Variants in TULP4 observed in about 807,000 individuals in gnomAD.
TULP4 encodes the protein tubby-related protein 4.
A neutral mutation model predicts 129.0 loss-of-function variants in TULP4; 16 were observed. That is an observed-to-expected ratio of 0.12 (90% CI 0.08 to 0.19). The LOEUF (loss-of-function observed/expected upper bound fraction) is 0.19, where lower values mean the gene tolerates loss of function less well. Ranked by LOEUF, TULP4 falls within the 10% of genes least tolerant of loss-of-function variation. The probability of loss-of-function intolerance (pLI) is 1.00; values close to 1 mark genes in which losing one functional copy is unlikely to be tolerated. For synonymous variants in TULP4, 998 were observed against 854.0 expected (o/e 1.17, Z -2.94); for missense variants, 1,842 against 2,059.1 (o/e 0.89, Z 2.04).
rs374416132 is a variant in TULP4, at chr6:158,502,446, C to T, written c.2783C>T (p.Thr928Met). 4.2e-5 allele frequency: 68 copies of T among 1,613,408 alleles called. No homozygotes were observed. Among genetic ancestry groups the T allele is most frequent in the Admixed American group, 1.3e-4 (8 of 59,992 alleles). Residue 928 changes from threonine to methionine, a missense_variant, in exon 13 of 14, where the codon ACG becomes ATG. This residue lies in a region of TULP4 where 1,089 missense variants were observed against 987.1 expected (regional missense o/e 1.10). Coordinates refer to ENST00000367097, the MANE Select transcript of TULP4 (RefSeq NM_020245.5). Reference sequence around the variant, plus strand: ...GGTAGCTCTGCCACCTTGAGGCTCACGGCCACTGAGAAGAAGGTCCCTCAG... The same window carrying T: ...GGTAGCTCTGCCACCTTGAGGCTCATGGCCACTGAGAAGAAGGTCCCTCAG... ...GPGSSATLRLTATEKKVPQPC... is the reference protein window; with the variant it reads ...GPGSSATLRLMATEKKVPQPC...
chr6:158,462,747 CTTTTTTTT>C (rs56829575), intron 6 of TULP4, among the ~76,000 whole-genome samples: 5 of 127,852 alleles, frequency 3.9e-5, no homozygotes, highest in Non-Finnish European at 6.5e-5. Flanking sequence ...TTTTTTTTTC[CTTTTTTTT>C]TTTTTTTTTT....
At chr6:158,454,242 C>G (rs919451339) in intron 5 of TULP4, among the ~76,000 whole-genome samples, 4 of 152,126 alleles carry the variant, frequency 2.6e-5, no homozygotes, top group Non-Finnish European at 5.9e-5. Context: ...TGATGATGAA[C>G]TTAAATTCCT....
At chr6:158,345,747 A>T (rs1780290705) in intron 1 of TULP4, among the ~76,000 whole-genome samples, 1 of 152,262 alleles carries the variant, frequency 6.6e-6, no homozygotes, top group African/African-American at 2.4e-5. Flanking sequence ...TTGTCTTGAT[A>T]AACATCTTAA....
intron 1 of TULP4, among the ~76,000 whole-genome samples, chr6:158,388,215 A>G (rs950926433): frequency 3.9e-5 from 6 of 151,944 alleles, no homozygotes; most frequent in African/African-American, 7.3e-5. Flanking sequence ...AGTAATTTCT[A>G]TGCTTAACTA....
chr6:158,471,116 A>G (rs977324020), intron 6 of TULP4, among the ~76,000 whole-genome samples: 1 of 152,224 alleles, frequency 6.6e-6, no homozygotes, highest in African/African-American at 2.4e-5. Flanking sequence ...GAAGAGACAG[A>G]AAGGAAGGAG....
At position 158,510,271 on chromosome 6, in the gene TULP4, A is replaced by G. The variant is rs1562599557; in HGVS notation, c.*3577A>G. ...ATCCATAGCCATTGCTCCCTTGTCAAGTGTCTCACAAGGACATGGAAGAAT... is the reference window on the plus strand; with the variant it reads ...ATCCATAGCCATTGCTCCCTTGTCAGGTGTCTCACAAGGACATGGAAGAAT... On this transcript the variant is annotated 3_prime_UTR_variant, in exon 14 of 14. Coordinates refer to ENST00000367097, the MANE Select transcript of TULP4 (RefSeq NM_020245.5). The G allele has an allele frequency of 6.6e-6, 1 of 152,484 alleles. No homozygotes were observed. 9.4% of individuals were successfully genotyped at this position (152,484 alleles called of 1,614,324 possible).
At chr6:158,344,869 T>C (rs1780265011) in intron 1 of TULP4, among the ~76,000 whole-genome samples, 1 of 152,208 alleles carries the variant, frequency 6.6e-6, no homozygotes, top group South Asian at 2.1e-4. Context: ...ACCAGGCCTC[T>C]TGAGCCAAAC....
chr6:158,296,360 TAA>T (rs1338063275), intron 1 of TULP4, among the ~76,000 whole-genome samples: 2 of 151,844 alleles, frequency 1.3e-5, no homozygotes, highest in East Asian at 3.9e-4. Flanking sequence ...AGAGACAGTA[TAA>T]AGAGAAGAAT....
chr6:158,505,738 G>GT (rs1311472131), intron 13 of TULP4, among the ~76,000 whole-genome samples: 1 of 152,226 alleles, frequency 6.6e-6, no homozygotes, highest in Admixed American at 6.5e-5. Context: ...GTGTTGGACA[G>GT]TGGTGGTGCT....
intron 1 of TULP4, among the ~76,000 whole-genome samples, chr6:158,365,397 T>TA (rs1294075766): frequency 6.6e-6 from 1 of 151,600 alleles, no homozygotes; most frequent in Admixed American, 6.6e-5. Context: ...ATTTTGTTTC[T>TA]AAAAATTTTT....
intron 1 of TULP4, among the ~76,000 whole-genome samples, chr6:158,303,671 G>T (rs1779166206): frequency 6.6e-6 from 1 of 152,154 alleles, no homozygotes; most frequent in Non-Finnish European, 1.5e-5. Flanking sequence ...CTTTGTATGT[G>T]AATACCTTAT....
At chr6:158,488,535 C>T (rs1026366384) in intron 8 of TULP4, among the ~76,000 whole-genome samples, 14 of 152,122 alleles carry the variant, frequency 9.2e-5, no homozygotes, top group Non-Finnish European at 2.9e-5. Flanking sequence ...AGAGGGGCCC[C>T]TGTTCACAGA....
intron 3 of TULP4, among the ~76,000 whole-genome samples, chr6:158,433,075 G>A (rs1778666012): frequency 6.6e-6 from 1 of 152,116 alleles, no homozygotes; most frequent in Non-Finnish European, 1.5e-5. Context: ...TTTGGAACCA[G>A]GATCCAGTTT....
At chr6:158,497,175 T>G (rs986476668) in intron 11 of TULP4, among the ~76,000 whole-genome samples, 2 of 152,240 alleles carry the variant, frequency 1.3e-5, no homozygotes, top group Non-Finnish European at 2.9e-5. Flanking sequence ...AAATAGTATT[T>G]TGATCCATAG....
Position 158,474,931 on chromosome 6 carries a change from G to A in TULP4, c.1027-4820G>A, listed in dbSNP as rs545971387. Among the ~76,000 whole-genome samples, 7 of 152,328 alleles carry A rather than the reference G, an allele frequency of 4.6e-5. No individual in the cohort carries two copies. The East Asian group carries it at 1.4e-3, about 29-fold the overall frequency. ...ATTTATTCTCTCCCTGCCACGCCAG[G>A]ATGTAAGCTCTACAAGGGCAGAGAA... On this transcript the variant is annotated intron_variant, in intron 6 of 13. Transcript: ENST00000367097.
intron 1 of TULP4, among the ~76,000 whole-genome samples, chr6:158,364,892 C>T (rs997014537): frequency 2.3e-4 from 35 of 152,136 alleles, no homozygotes; most frequent in Non-Finnish European, 3.4e-4. Flanking sequence ...CCCGCCACCA[C>T]GCCTGGCTAA....
At chr6:158,423,145 T>C in intron 2 of TULP4, among the ~76,000 whole-genome samples, 2 of 149,308 alleles carry the variant, frequency 1.3e-5, no homozygotes, top group Non-Finnish European at 3.0e-5. Flanking sequence ...GAAAGAAACC[T>C]TCCCAGGACC....
chr6:158,492,722 C>G (rs1222054192), intron 9 of TULP4, among the ~76,000 whole-genome samples: 1 of 152,128 alleles, frequency 6.6e-6, no homozygotes, highest in Non-Finnish European at 1.5e-5. Flanking sequence ...TCCTCAGGAG[C>G]CCAGAGTTTC....
At chr6:158,275,324 A>G (rs960533162) in intron 1 of TULP4, among the ~76,000 whole-genome samples, 2 of 152,062 alleles carry the variant, frequency 1.3e-5, no homozygotes. Context: ...GGTGATTCTG[A>G]TGGTTCTGTG....
Sources: gnomAD v4.1 joint callset for allele counts (sites outside exome capture counted in the v4.1 genomes callset) on GRCh38, gnomAD v4.1.1 for gene constraint, gnomAD v4.1.1 regional missense constraint, MANE v1.5 for transcripts, NCBI Gene and HGNC (gene_info 2026-07-23, HGNC 2026-07-21) for gene names.